The following CDC5L variants were observed in gnomAD, a reference collection of about 807,000 sequenced individuals.
The protein encoded by CDC5L is cell division cycle 5-like protein.
In CDC5L, 18 loss-of-function variants were observed where a neutral mutation model predicts 104.1. That is an observed-to-expected ratio of 0.17 (90% CI 0.12 to 0.26). The LOEUF (loss-of-function observed/expected upper bound fraction) is 0.26, where lower values mean the gene tolerates loss of function less well. Among genes scored for constraint, CDC5L ranks in the 10% least tolerant of loss-of-function variants. The probability of loss-of-function intolerance (pLI) is 1.00; values close to 1 mark genes in which losing one functional copy is unlikely to be tolerated. For synonymous variants in CDC5L, 331 were observed against 322.7 expected (o/e 1.03, Z -0.28); for missense variants, 673 against 956.9 (o/e 0.70, Z 3.91).
chr6:44,444,157 T>C (rs1793340413), intron 14 of CDC5L, among the ~76,000 whole-genome samples: 1 of 152,206 alleles, frequency 6.6e-6, no homozygotes, highest in African/African-American at 2.4e-5. Flanking sequence ...TAGTTCCTTC[T>C]GTCATCATGT....
chr6:44,436,425 C>CATT (rs76159368), intron 14 of CDC5L, among the ~76,000 whole-genome samples: 53,009 of 151,800 alleles, frequency 0.35, 12,914 homozygotes, highest in East Asian at 0.74. Flanking sequence ...GATTTTACAT[C>CATT]GTGGATTTTA....
chr6:44,441,063 C>T (rs947184743), intron 14 of CDC5L, among the ~76,000 whole-genome samples: 2 of 152,270 alleles, frequency 1.3e-5, no homozygotes, highest in South Asian at 2.1e-4. Flanking sequence ...GATTACCATG[C>T]TATGTAATAG....
At chr6:44,425,143 C>T (rs1393303638) in intron 11 of CDC5L, among the ~76,000 whole-genome samples, 2 of 152,074 alleles carry the variant, frequency 1.3e-5, no homozygotes, top group African/African-American at 4.8e-5. Context: ...CTCATTTGCA[C>T]GTAACAGCAC....
intron 10 of CDC5L, among the ~76,000 whole-genome samples, chr6:44,423,910 T>G (rs1455659227): frequency 2.6e-5 from 4 of 152,214 alleles, no homozygotes; most frequent in African/African-American, 9.6e-5. Flanking sequence ...ATGTGTTCCC[T>G]CAAAGTGGTC....
Position 44,439,466 on chromosome 6 carries a change from C to T in CDC5L, c.2092-6189C>T, listed in dbSNP as rs189974280. Among the ~76,000 whole-genome samples the T allele has an allele frequency of 2.0e-3, 302 of 152,270 alleles. 1 individual carries two copies. Among genetic ancestry groups the T allele is most frequent in the Non-Finnish European group, 3.5e-3 (241 of 68,022 alleles). ...GAAGCACCGCGAGTCCATGTTCTAA[C>T]GCTATTTTTACACTGTAGGACAGAG... On this transcript the variant is annotated intron_variant, in intron 14 of 15. Coordinates refer to ENST00000371477, the MANE Select transcript of CDC5L (RefSeq NM_001253.4).
rs114415299 is a variant in CDC5L, at chr6:44,412,739, C to T, written c.1092+4107C>T. 8.0e-3 allele frequency among the ~76,000 whole-genome samples: 1,201 copies of T among 150,388 alleles called. 21 individuals carry two copies. Among genetic ancestry groups the T allele is most frequent in the African/African-American group, 0.028 (1,126 of 40,900 alleles). The stretch of plus-strand genomic sequence containing the variant: ...ATTCACCCATTTTTACTGTATTTAC[C>T]GAGTTGTATAACCATCACCACAGTC... On this transcript the variant is annotated intron_variant, in intron 8 of 15. Coordinates refer to ENST00000371477, the MANE Select transcript of CDC5L (RefSeq NM_001253.4).
intron 14 of CDC5L, among the ~76,000 whole-genome samples, chr6:44,438,342 T>G (rs373502200): frequency 3.2e-4 from 49 of 152,212 alleles, no homozygotes; most frequent in Non-Finnish European, 1.5e-4. Flanking sequence ...TTGGTAGATA[T>G]AGTTGAGAAA....
chr6:44,387,766 C>G lies in CDC5L; in HGVS notation c.-58C>G. 6.8e-7 allele frequency: 1 copy of G among 1,468,930 alleles called. No individual in the cohort carries two copies. Among genetic ancestry groups the G allele is most frequent in the South Asian group, 1.2e-5 (1 of 82,276 alleles). 91.0% of individuals were successfully genotyped at this position (1,468,930 alleles called of 1,614,324 possible). On this transcript the variant is annotated 5_prime_UTR_variant, in exon 1 of 16. Coordinates refer to ENST00000371477, the MANE Select transcript of CDC5L (RefSeq NM_001253.4). ...GGCTTTGAGTCCGGTGGCCCAATCGCTGTTACTACTTCTCTGAAGCTCCTC... is the reference window on the plus strand; with the variant it reads ...GGCTTTGAGTCCGGTGGCCCAATCGGTGTTACTACTTCTCTGAAGCTCCTC...
intron 8 of CDC5L, among the ~76,000 whole-genome samples, chr6:44,415,214 T>A (rs1270682385): frequency 6.6e-6 from 1 of 152,242 alleles, no homozygotes; most frequent in East Asian, 1.9e-4. Context: ...ATAGGCTTTT[T>A]AACTGATTGT....
chr6:44,391,410 G>A (rs1790614349), intron 2 of CDC5L, among the ~76,000 whole-genome samples: 3 of 151,726 alleles, frequency 2.0e-5, no homozygotes, highest in South Asian at 4.2e-4. Context: ...CACCATTCCC[G>A]GCTAATTTTT....
Position 44,445,925 on chromosome 6 carries a change from T to A in CDC5L, c.2304+58T>A, listed in dbSNP as rs11572050. On this transcript the variant is annotated intron_variant, in intron 15 of 15. Transcript: ENST00000371477. ...GAGTGCTGCAAAGAATTATCAGGGC[T>A]GTCCTCTTTTACTTCTCCTATGTAG... The A allele has an allele frequency of 1.6e-3, 2,125 of 1,321,454 alleles. 36 individuals are homozygous for A. In the African/African-American group the frequency reaches 0.028, roughly 17 times the overall value. The allele number at this position is 1,321,454 out of a possible 1,614,324, so 81.9% of individuals were successfully genotyped here. A position where few individuals can be genotyped will look rare whatever the true frequency, so the allele number is the denominator to read the frequency against.
At chr6:44,441,909 C>G (rs1290111772) in intron 14 of CDC5L, among the ~76,000 whole-genome samples, 5 of 149,042 alleles carry the variant, frequency 3.4e-5, no homozygotes, top group Admixed American at 2.7e-4. Flanking sequence ...ACCTGTAATC[C>G]CAGCACTTTG....
intron 14 of CDC5L, among the ~76,000 whole-genome samples, chr6:44,443,590 G>A (rs1181505536): frequency 6.7e-6 from 1 of 150,080 alleles, no homozygotes; most frequent in African/African-American, 2.5e-5. Context: ...GTAGTTTACT[G>A]ATCCTTTCAT....
chr6:44,396,479 C>A, intron 5 of CDC5L, 39 bp downstream of exon 5: 1 of 1,290,102 alleles, frequency 7.8e-7, no homozygotes. Context: ...AAGTGTTTTT[C>A]TCACATAACA....
chr6:44,416,256 T>C (rs1297662164), intron 8 of CDC5L, among the ~76,000 whole-genome samples: 1 of 152,094 alleles, frequency 6.6e-6, no homozygotes, highest in East Asian at 1.9e-4. Flanking sequence ...GTGTTAAAGA[T>C]TGGAGAAAGG....
chr6:44,422,567 A>G, intron 9 of CDC5L, 80 bp from the exon 10 acceptor site: 2 of 907,844 alleles, frequency 2.2e-6, no homozygotes, highest in Non-Finnish European at 3.2e-6. Flanking sequence ...TTCCTGTGAA[A>G]TAATTTATGT....
At position 44,419,443 on chromosome 6, in the gene CDC5L, A is replaced by T. The variant is rs890242648; in HGVS notation, c.1093-6A>T. The T allele has an allele frequency of 3.1e-6, 5 of 1,612,564 alleles. No individual in the cohort carries two copies. In the African/African-American group the frequency reaches 6.7e-5, roughly 22 times the overall value. The stretch of plus-strand genomic sequence containing the variant: ...AAACTTGCTTCTTTGTCTTCTTGTT[A>T]ATCAGGAAGCCCAGAACCTCATGGC... On this transcript the variant is annotated splice_region_variant and splice_polypyrimidine_tract_variant and intron_variant, in intron 8 of 15. Coordinates refer to ENST00000371477, the MANE Select transcript of CDC5L (RefSeq NM_001253.4).
intron 14 of CDC5L, among the ~76,000 whole-genome samples, chr6:44,436,908 A>G (rs1009130412): frequency 2.6e-5 from 4 of 152,240 alleles, no homozygotes; most frequent in African/African-American, 4.8e-5. Context: ...GTGTCGGTCT[A>G]CTTTAAATTC....
rs1478052780 is a variant in CDC5L at position 44,447,672 on chromosome 6, T to C, written c.*961T>C. 1 of 152,212 alleles carries C rather than the reference T, an allele frequency of 6.6e-6. No homozygotes were observed. 9.4% of individuals were successfully genotyped at this position (152,212 alleles called of 1,614,324 possible). ...ATTCATTCATTCATTCGATATTGAA[T>C]GTATACCCTGTGCCAGAGTCTTAGA... On this transcript the variant is annotated 3_prime_UTR_variant, in exon 16 of 16. Coordinates refer to ENST00000371477, the MANE Select transcript of CDC5L (RefSeq NM_001253.4).
Sources: gnomAD v4.1 joint callset for allele counts (sites outside exome capture counted in the v4.1 genomes callset) on GRCh38, gnomAD v4.1.1 for gene constraint, MANE v1.5 for transcripts, NCBI Gene and HGNC (gene_info 2026-07-23, HGNC 2026-07-21) for gene names.